SYDE2: variants seen among roughly 807,000 people sequenced by gnomAD.
SYDE2 encodes rho GTPase-activating protein SYDE2.
A neutral mutation model predicts 91.5 loss-of-function variants in SYDE2; 76 were observed. That is an observed-to-expected ratio of 0.83 (90% CI 0.69 to 1.01). The LOEUF (loss-of-function observed/expected upper bound fraction) is 1.01, where lower values mean the gene tolerates loss of function less well. Ranked by LOEUF, SYDE2 falls within the 50% of genes least tolerant of loss-of-function variation. SYDE2 has a pLI of 0.00. For missense variants in SYDE2, 1,364 were observed against 1,367.7 expected (o/e 1.00, Z 0.04); for synonymous variants, 513 against 506.4 (o/e 1.01, Z -0.18).
chr1:85,168,954 G>A (rs1657400303), intron 5 of SYDE2, 90 bp downstream of exon 5: 2 of 1,202,632 alleles, frequency 1.7e-6, no homozygotes, highest in Non-Finnish European at 2.4e-6. Context: ...TGCCACAAAT[G>A]TCAAATATCT....
rs2100653357 is a variant in SYDE2, at chr1:85,169,098, T to C, written c.2799A>G (p.Pro933=). The C allele has an allele frequency of 6.2e-7, 1 of 1,613,942 alleles. No individual in the cohort carries two copies. ...GGTCAACAGTGTACTTAGAGTCACCTGGGTCATTCTCACAACCATTTGATG... is the reference window on the plus strand; with the variant it reads ...GGTCAACAGTGTACTTAGAGTCACCCGGGTCATTCTCACAACCATTTGATG... ...KMSSNGCEND[P]GDSKYTVDLL... is the part of the protein sequence containing the mutation. Residue 933 remains proline, a synonymous_variant, in exon 5 of 7, where the codon CCA becomes CCG. Transcript: ENST00000341460.
At chr1:85,199,454 CTATTA>C (rs1157317670) in intron 1 of SYDE2, among the ~76,000 whole-genome samples, 1 of 152,046 alleles carries the variant, frequency 6.6e-6, no homozygotes, top group Non-Finnish European at 1.5e-5. Context: ...GAGCTTAATC[CTATTA>C]TAAGGATCAA....
At position 85,187,549 on chromosome 1, in the gene SYDE2, A is replaced by G. The variant is rs1387511578; in HGVS notation, c.1441+2508T>C. ...CCAAAGGACTATAAATCATGCTGCT[A>G]TAAAGACACATGCACACGTATGTTT... On this transcript the variant is annotated intron_variant, in intron 2 of 6. Coordinates refer to ENST00000341460, the MANE Select transcript of SYDE2 (RefSeq NM_032184.2). Among the ~76,000 whole-genome samples the G allele has an allele frequency of 2.7e-5, 4 of 150,216 alleles. 1 individual carries two copies. The South Asian group carries it at 6.4e-4, about 24-fold the overall frequency.
At chr1:85,195,180 G>A (rs958218118) in intron 1 of SYDE2, among the ~76,000 whole-genome samples, 3 of 151,396 alleles carry the variant, frequency 2.0e-5, no homozygotes, top group Non-Finnish European at 4.4e-5. Context: ...AAAATGTGTA[G>A]TATCTAGAGA....
chr1:85,183,211 A>G lies in SYDE2; in HGVS notation c.1442-11T>C, dbSNP rs1278304229. 10 of 1,525,394 alleles carry G rather than the reference A, an allele frequency of 6.6e-6. No individual in the cohort carries two copies. The highest frequency in any genetic ancestry group is 8.8e-6 in the Non-Finnish European group (10 of 1,142,354). The allele number at this position is 1,525,394 out of a possible 1,614,324, so 94.5% of individuals were successfully genotyped here. A position where few individuals can be genotyped will look rare whatever the true frequency, so the allele number is the denominator to read the frequency against. ...CCAGGATCCCAGAACCTTAAAAGAA[A>G]GAAAGAAAAATACGTTATAAAGCAA... On this transcript the variant is annotated splice_polypyrimidine_tract_variant and intron_variant, in intron 2 of 6. Transcript: ENST00000341460.
In SYDE2 at chr1:85,182,814, TAG is replaced by T. The variant is rs750417934; in HGVS notation, c.1826_1827del (p.Ser609TyrfsTer4). On this transcript the variant is annotated frameshift_variant, in exon 3 of 7. Coordinates refer to ENST00000341460, the MANE Select transcript of SYDE2 (RefSeq NM_032184.2). LOFTEE classifies it high-confidence loss of function. ...CCTTTGCAGGAATACTTAGAACTCA[TAG>T]AGTTTTTCTTCTGGTAGCTCTGCTG... ...SSQQSYQKKNSMSSKYSCKGG... is the reference protein window; with the variant it reads ...SSQQSYQKKNXMSSKYSCKGG... 2.5e-6 allele frequency: 4 copies of T among 1,613,826 alleles called. No homozygotes were observed. In the South Asian group the frequency reaches 3.3e-5, roughly 13 times the overall value.
intron 1 of SYDE2, among the ~76,000 whole-genome samples, chr1:85,198,794 T>C (rs1325976877): frequency 8.1e-6 from 1 of 124,000 alleles, no homozygotes; most frequent in East Asian, 2.2e-4. Flanking sequence ...TACCAAGAGT[T>C]AAAACTAAGC....
Position 85,182,085 on chromosome 1 carries a change from AGTAAG to A in SYDE2, c.2544+8_2544+12del. 1 of 1,563,284 alleles carries A rather than the reference AGTAAG, an allele frequency of 6.4e-7. No individual in the cohort carries two copies. Among genetic ancestry groups the A allele is most frequent in the Middle Eastern group, 1.7e-4 (1 of 5,742 alleles). On this transcript the variant is annotated splice_region_variant and intron_variant, in intron 3 of 6. Coordinates refer to ENST00000341460, the MANE Select transcript of SYDE2 (RefSeq NM_032184.2). The stretch of plus-strand genomic sequence containing the variant: ...AATAAAGGAAGTAGTAGGGAACCAT[AGTAAG>A]ATAATACCTGACAGCCTCTCTTTTC...
intron 4 of SYDE2, among the ~76,000 whole-genome samples, chr1:85,176,639 G>GA (rs1190559395): frequency 1.3e-5 from 2 of 151,968 alleles, no homozygotes; most frequent in Non-Finnish European, 2.9e-5. Context: ...ATTACAGCAA[G>GA]AAAAAAATGG....
Position 85,157,756 on chromosome 1 carries a change from C to CT in SYDE2, c.*993dup, listed in dbSNP as rs1490878250. On this transcript the variant is annotated 3_prime_UTR_variant, in exon 7 of 7. Transcript: ENST00000341460. Reference sequence around the variant, plus strand: ...AAATGTTCTTTCCCTGAAAAAAATACTTTAAGATAATAATTTTGGCCTCAT... The same window carrying CT: ...AAATGTTCTTTCCCTGAAAAAAATACTTTTAAGATAATAATTTTGGCCTCAT... 6.6e-6 allele frequency: 1 copy of CT among 151,962 alleles called. No individual in the cohort carries two copies. The highest frequency in any genetic ancestry group is 2.1e-4 in the South Asian group (1 of 4,830). 9.4% of individuals were successfully genotyped at this position (151,962 alleles called of 1,614,324 possible).
At position 85,200,274 on chromosome 1, in the gene SYDE2, TG is replaced by T; in HGVS notation, c.722del (p.Pro241GlnfsTer7). ...TACCTGTCAGCGTAATTCTTTGGTC[TG>T]GAGGCACCGACAGGACACGGTTTTC... The part of the protein sequence containing the change: ...VRENRVLSVP[P>X]DQRITLTDLF... On this transcript the variant is annotated frameshift_variant, in exon 1 of 7. Transcript: ENST00000341460. LOFTEE classifies it high-confidence loss of function. 2 of 1,614,000 alleles carry T rather than the reference TG, an allele frequency of 1.2e-6. No individual in the cohort carries two copies. The highest frequency in any genetic ancestry group is 8.5e-7 in the Non-Finnish European group (1 of 1,179,890).
chr1:85,181,858 A>G, intron 3 of SYDE2: 1 of 346,288 alleles, frequency 2.9e-6, no homozygotes, highest in Non-Finnish European at 5.2e-6. Flanking sequence ...TCTAATTATA[A>G]GACCCATGAA....
At chr1:85,182,070 G>T (rs1313032558) in intron 3 of SYDE2, 28 bp downstream of exon 3, 1 of 1,533,224 alleles carries the variant, frequency 6.5e-7, no homozygotes, top group East Asian at 2.3e-5. Context: ...AATAAAGGAA[G>T]TAGTAGGGAA....
Position 85,160,869 on chromosome 1 carries a change from CTTAGAG to C in SYDE2, c.3086-1626_3086-1621del, listed in dbSNP as rs941688028. On this transcript the variant is annotated intron_variant, in intron 6 of 6. Coordinates refer to ENST00000341460, the MANE Select transcript of SYDE2 (RefSeq NM_032184.2). ...TCCAGATTCATTTTGTTGCCAGTCG[CTTAGAG>C]TTACTCACCTAAGACCCTACTGAAA... is the stretch of plus-strand genomic sequence containing the variant. 1.0e-4 allele frequency: 99 copies of C among 985,358 alleles called. No homozygotes were observed. In the Admixed American group the frequency reaches 1.9e-3, roughly 19 times the overall value. The allele number at this position is 985,358 out of a possible 1,614,324, so 61.0% of individuals were successfully genotyped here. A position where few individuals can be genotyped will look rare whatever the true frequency, so the allele number is the denominator to read the frequency against.
In SYDE2 at chr1:85,158,415, G is replaced by C. The variant is rs993543250; in HGVS notation, c.*335C>G. On this transcript the variant is annotated 3_prime_UTR_variant, in exon 7 of 7. Coordinates refer to ENST00000341460, the MANE Select transcript of SYDE2 (RefSeq NM_032184.2). ...AAAAAGGACATCTGTCTCAGCTACA[G>C]AAGAGTGGTTCCCATAAAGCAGAAA... 5.0e-6 allele frequency: 1 copy of C among 201,582 alleles called. No individual in the cohort carries two copies. Among genetic ancestry groups the C allele is most frequent in the East Asian group, 1.4e-4 (1 of 7,074 alleles). The allele number at this position is 201,582 out of a possible 1,614,324, so 12.5% of individuals were successfully genotyped here.
chr1:85,172,731 C>T (rs1406184161), intron 4 of SYDE2, among the ~76,000 whole-genome samples: 1 of 152,120 alleles, frequency 6.6e-6, no homozygotes, highest in Non-Finnish European at 1.5e-5. Flanking sequence ...CCAGGTAAAG[C>T]CCGACAGTTG....
chr1:85,185,498 T>C (rs991945151), intron 2 of SYDE2, among the ~76,000 whole-genome samples: 1 of 151,790 alleles, frequency 6.6e-6, no homozygotes, highest in African/African-American at 2.4e-5. Flanking sequence ...GGTTTGTAGT[T>C]CTCCTTGAAG....
chr1:85,200,608 C>G lies in SYDE2; in HGVS notation c.389G>C (p.Ser130Thr). The stretch of plus-strand genomic sequence containing the variant: ...TGCAGCCGCCCGGGCGCGGTCCCCA[C>G]TCCAGCCGTCCATCCTGCCTCCACG... ...PPRGGRMDGW[S>T]GDRARAAAPT... The change falls in exon 1 of 7, where the codon AGT becomes ACT. Residue 130 changes from serine to threonine, a missense_variant. Coordinates refer to ENST00000341460, the MANE Select transcript of SYDE2 (RefSeq NM_032184.2). 1 of 1,558,782 alleles carries G rather than the reference C, an allele frequency of 6.4e-7. No individual in the cohort carries two copies.
intron 1 of SYDE2, among the ~76,000 whole-genome samples, chr1:85,193,883 C>T (rs1658469883): frequency 6.6e-6 from 1 of 152,100 alleles, no homozygotes; most frequent in Admixed American, 6.5e-5. Context: ...CTGTTTCCCC[C>T]TCCCAAAGTG....
Sources: allele counts gnomAD v4.1 joint callset (sites outside exome capture counted in the v4.1 genomes callset), GRCh38; gene constraint gnomAD v4.1.1; transcripts MANE v1.5; gene names NCBI Gene and HGNC (gene_info 2026-07-23, HGNC 2026-07-21).